USP26: variants seen among roughly 807,000 people sequenced by gnomAD.
USP26 encodes the protein ubiquitin specific peptidase 26, also known as ubiquitin carboxyl-terminal hydrolase 26.
For missense variants in USP26, 649 were observed against 642.3 expected, an observed-to-expected ratio of 1.01 and a Z score of -0.11; for synonymous variants, 236 against 240.6, an observed-to-expected ratio of 0.98 and a Z score of 0.18.
At chrX:133,071,837 G>A (rs984925350) in intron 5 of USP26, among the ~76,000 whole-genome samples, 2 of 111,128 alleles carry the variant, frequency 1.8e-5, no homozygotes, top group Non-Finnish European at 3.8e-5. Flanking sequence ...ATAAGACTGA[G>A]TAAATAAAAC....
chrX:133,031,446 T>G (rs1471675203), intron 5 of USP26, among the ~76,000 whole-genome samples: 1 of 111,748 alleles, frequency 8.9e-6, no homozygotes, highest in Non-Finnish European at 1.9e-5. Flanking sequence ...GAGGACTCCA[T>G]TCTGTGAGAC....
chrX:133,025,228 G>T lies in USP26; in HGVS notation c.*251C>A. ...AGCAAGACCCTGACTATATTAAAAT[G>T]AAGAAGAACATGAAAAACACAATTT... On this transcript the variant is annotated 3_prime_UTR_variant, in exon 6 of 6. Transcript: ENST00000511190. The T allele has an allele frequency of 2.4e-6, 1 of 408,940 alleles. No homozygotes were observed. Among genetic ancestry groups the T allele is most frequent in the Non-Finnish European group, 4.2e-6 (1 of 238,173 alleles). 33.7% of individuals were successfully genotyped at this position (408,940 alleles called of 1,213,427 possible). A position where few individuals can be genotyped will look rare whatever the true frequency, so the allele number is the denominator to read the frequency against.
At chrX:133,031,938 G>A (rs1331922868) in intron 5 of USP26, among the ~76,000 whole-genome samples, 1 of 111,302 alleles carries the variant, frequency 9.0e-6, no homozygotes, top group Non-Finnish European at 1.9e-5. Context: ...CCTCAGGTCA[G>A]GAGTTTGAGA....
intron 5 of USP26, among the ~76,000 whole-genome samples, chrX:133,058,103 G>A (rs967207105): frequency 7.7e-5 from 8 of 103,726 alleles, no homozygotes; most frequent in South Asian, 4.7e-4. Context: ...GGATGGTCTC[G>A]ATCTCCTGAC....
intron 5 of USP26, among the ~76,000 whole-genome samples, chrX:133,036,168 GT>G (rs143689052): frequency 2.7e-5 from 3 of 109,230 alleles, no homozygotes; most frequent in Admixed American, 9.8e-5. Context: ...TTTTTTTAAG[GT>G]TTTTTTTCTT....
In USP26 at chrX:133,025,946, T is replaced by G; in HGVS notation, c.2275A>C (p.Ser759Arg). Reference protein sequence around the residue: ...EQAPQQALPQSFPKPGTQGHT... With the variant: ...EQAPQQALPQRFPKPGTQGHT... ...CCCTGGGTGCCTGGCTTTGGAAAGC[T>G]TTGAGGCAGTGCCTGCTGAGGGGCT... Residue 759 changes from serine to arginine, a missense_variant, in exon 6 of 6, where the codon AGC (serine) becomes CGC (arginine). Transcript: ENST00000511190. The G allele has an allele frequency of 8.3e-7, 1 of 1,211,618 alleles. No homozygotes were observed. The highest frequency in any genetic ancestry group is 1.1e-6 in the Non-Finnish European group (1 of 895,485).
intron 5 of USP26, among the ~76,000 whole-genome samples, chrX:133,073,564 C>A (rs1399056296): frequency 9.0e-6 from 1 of 110,637 alleles, no homozygotes; most frequent in African/African-American, 3.3e-5. Context: ...TTCACTCTTA[C>A]AAAGCACGTT....
chrX:133,075,740 C>T (rs2067546177), intron 5 of USP26, among the ~76,000 whole-genome samples: 1 of 111,633 alleles, frequency 9.0e-6, no homozygotes, highest in Non-Finnish European at 1.9e-5. Flanking sequence ...CAACATTAAA[C>T]AGAGCTGAGA....
At position 133,074,630 on chromosome X, in the gene USP26, T is replaced by C. The variant is rs1298127657; in HGVS notation, c.-77+9077A>G. 2.7e-5 allele frequency among the ~76,000 whole-genome samples: 3 copies of C among 112,473 alleles called. No homozygotes were observed. In the East Asian group the frequency reaches 8.4e-4, roughly 31 times the overall value. On this transcript the variant is annotated intron_variant, in intron 5 of 5. Transcript: ENST00000511190. Reference sequence around the variant, plus strand: ...CCATGTGTACATGTATGTGCATGCATCTGTTTAGTAGCCTTGAACTACATT... The same window carrying C: ...CCATGTGTACATGTATGTGCATGCACCTGTTTAGTAGCCTTGAACTACATT...
Position 133,025,276 on chromosome X carries a change from G to A in USP26, c.*203C>T. ...TTTCAGTCTTGTAGGAGAGAAGGATGCTCATCAGCCAGAGCTATGGGATTG... is the reference window on the plus strand; with the variant it reads ...TTTCAGTCTTGTAGGAGAGAAGGATACTCATCAGCCAGAGCTATGGGATTG... On this transcript the variant is annotated 3_prime_UTR_variant, in exon 6 of 6. Transcript: ENST00000511190. The A allele has an allele frequency of 1.9e-6, 1 of 514,758 alleles. No individual in the cohort carries two copies. Among genetic ancestry groups the A allele is most frequent in the Non-Finnish European group, 3.1e-6 (1 of 321,217 alleles). The allele number at this position is 514,758 out of a possible 1,213,427, so 42.4% of individuals were successfully genotyped here.
chrX:133,080,694 T>C (rs1327707517), intron 5 of USP26, among the ~76,000 whole-genome samples: 1 of 111,020 alleles, frequency 9.0e-6, no homozygotes, highest in Non-Finnish European at 1.9e-5. Context: ...ACAGCGAAAA[T>C]GGAAAGGAGC....
chrX:133,048,838 G>A (rs893367574), intron 5 of USP26, among the ~76,000 whole-genome samples: 4 of 111,799 alleles, frequency 3.6e-5, no homozygotes, highest in Admixed American at 1.9e-4. Flanking sequence ...GAGCCACTGC[G>A]CCTGGCCCAG....
At chrX:133,035,307 T>A (rs2067392456) in intron 5 of USP26, among the ~76,000 whole-genome samples, 5 of 112,090 alleles carry the variant, frequency 4.5e-5, no homozygotes. Context: ...GCTGGAAAAA[T>A]GTGATCCTGC....
intron 5 of USP26, among the ~76,000 whole-genome samples, chrX:133,038,731 G>A (rs1394593204): frequency 1.8e-5 from 2 of 112,203 alleles, no homozygotes; most frequent in African/African-American, 6.5e-5. Flanking sequence ...AGTTTCAGAA[G>A]GAATGATACC....
chrX:133,038,071 G>T (rs1184118247), intron 5 of USP26, among the ~76,000 whole-genome samples: 1 of 111,603 alleles, frequency 9.0e-6, no homozygotes, highest in Non-Finnish European at 1.9e-5. Flanking sequence ...TTGGGGCTGA[G>T]AAAATGGGGT....
At chrX:133,078,007 C>T (rs2067556120) in intron 5 of USP26, among the ~76,000 whole-genome samples, 1 of 111,070 alleles carries the variant, frequency 9.0e-6, no homozygotes, top group African/African-American at 3.3e-5. Flanking sequence ...TCACCTGAGC[C>T]CAGGAAGTTG....
At chrX:133,035,253 G>C (rs914884495) in intron 5 of USP26, among the ~76,000 whole-genome samples, 1 of 112,354 alleles carries the variant, frequency 8.9e-6, no homozygotes, top group East Asian at 2.8e-4. Flanking sequence ...TGTACTAAGT[G>C]GGAGATAACT....
intron 5 of USP26, among the ~76,000 whole-genome samples, chrX:133,081,632 T>A (rs1048365807): frequency 8.9e-6 from 1 of 111,935 alleles, no homozygotes; most frequent in Non-Finnish European, 1.9e-5. Context: ...ATGATAGCAT[T>A]AGGAGCATGG....
intron 5 of USP26, among the ~76,000 whole-genome samples, chrX:133,038,065 G>A (rs1474690281): frequency 1.8e-5 from 2 of 111,431 alleles, no homozygotes; most frequent in Non-Finnish European, 3.8e-5. Context: ...GGAGATTTGG[G>A]GCTGAGAAAA....
Sources: gnomAD v4.1 joint callset for allele counts (sites outside exome capture counted in the v4.1 genomes callset) on GRCh38, gnomAD v4.1.1 for gene constraint, MANE v1.5 for transcripts, NCBI Gene and HGNC (gene_info 2026-07-23, HGNC 2026-07-21) for gene names.